Variants in SOS2 observed in about 807,000 individuals in gnomAD.
SOS2 encodes the protein SOS Ras/Rho guanine nucleotide exchange factor 2, also known as son of sevenless homolog 2.
A neutral mutation model predicts 148.2 loss-of-function variants in SOS2; 65 were observed. That is an observed-to-expected ratio of 0.44 (90% confidence interval 0.36 to 0.54). The LOEUF (loss-of-function observed/expected upper bound fraction) is 0.54, where lower values mean the gene tolerates loss of function less well. SOS2 is among the 20% of genes least tolerant of loss of function. The probability of loss-of-function intolerance (pLI) is 0.00; values close to 1 mark genes in which losing one functional copy is unlikely to be tolerated. For missense variants in SOS2, 1,341 were observed against 1,590.2 expected, an observed-to-expected ratio of 0.84 and a Z score of 2.67; for synonymous variants, 539 against 537.1, an observed-to-expected ratio of 1.00 and a Z score of -0.05.
chr14:50,153,731 G>A (rs1566829006), intron 12 of SOS2, among the ~76,000 whole-genome samples: 2 of 152,112 alleles, frequency 1.3e-5, no homozygotes, highest in Admixed American at 6.6e-5. Flanking sequence ...TCCTACTTCA[G>A]CCTCCCAAGT....
rs183821679 is a variant in SOS2 at position 50,132,748 on chromosome 14, G to A, written c.3075+1375C>T. Among the ~76,000 whole-genome samples, 24 of 152,146 alleles carry A rather than the reference G, an allele frequency of 1.6e-4. No homozygotes were observed. In the East Asian group the frequency reaches 4.6e-3, roughly 29 times the overall value. ...CATTTTTCTTGTTGAGTTTGTAGAG[G>A]GTCAAAGAACAATAACATCTGCTTA... On this transcript the variant is annotated intron_variant, in intron 19 of 22. Transcript: ENST00000216373.
intron 1 of SOS2, among the ~76,000 whole-genome samples, chr14:50,227,242 TC>T (rs1332330481): frequency 8.3e-4 from 80 of 96,626 alleles, no homozygotes; most frequent in Middle Eastern, 5.1e-3. Flanking sequence ...TTTCTTTCTT[TC>T]TTTCTTTTTT....
chr14:50,183,764 T>C (rs1185176916), intron 5 of SOS2, among the ~76,000 whole-genome samples: 2 of 152,200 alleles, frequency 1.3e-5, no homozygotes, highest in African/African-American at 2.4e-5. Context: ...CTAATCCTGT[T>C]ACAATCTGGT....
chr14:50,199,589 C>G lies in SOS2; in HGVS notation c.510+102G>C, dbSNP rs1886418152. ...GGATTTTTCTCTCTTCCAGTACTAG[C>G]AATTATAAAGATTACTTATCTAATA... is the stretch of plus-strand genomic sequence containing the variant. On this transcript the variant is annotated intron_variant, in intron 4 of 22. Transcript: ENST00000216373. 27 of 636,234 alleles carry G rather than the reference C, an allele frequency of 4.2e-5. No individual in the cohort carries two copies. In the South Asian group the frequency reaches 8.1e-4, roughly 19 times the overall value. The allele number at this position is 636,234 out of a possible 1,614,324, so 39.4% of individuals were successfully genotyped here.
At position 50,180,702 on chromosome 14, in the gene SOS2, A is replaced by C; in HGVS notation, c.859-20T>G. On this transcript the variant is annotated intron_variant, in intron 6 of 22. Transcript: ENST00000216373. ...TTGCTCCTATTTTTTTAAAAAGAGA[A>C]AAAGCATTAGGTTTAAAAGAATATA... 7.6e-7 allele frequency: 1 copy of C among 1,323,106 alleles called. No individual in the cohort carries two copies. Among genetic ancestry groups the C allele is most frequent in the Admixed American group, 1.9e-5 (1 of 52,736 alleles). 82.0% of individuals were successfully genotyped at this position (1,323,106 alleles called of 1,614,324 possible). A position where few individuals can be genotyped will look rare whatever the true frequency, so the allele number is the denominator to read the frequency against.
intron 8 of SOS2, among the ~76,000 whole-genome samples, chr14:50,170,725 A>G (rs1288065556): frequency 6.6e-6 from 1 of 152,048 alleles, no homozygotes; most frequent in Non-Finnish European, 1.5e-5. Context: ...AGTATATAAA[A>G]GATACTCAAC....
chr14:50,231,096 G>T, intron 1 of SOS2, 101 bp downstream of exon 1: 1 of 680,040 alleles, frequency 1.5e-6, no homozygotes, highest in South Asian at 6.7e-5. Context: ...GAAACGGCTC[G>T]GCCCCGGGGA....
chr14:50,179,517 C>A (rs1313437987), intron 7 of SOS2, among the ~76,000 whole-genome samples: 1 of 151,978 alleles, frequency 6.6e-6, no homozygotes, highest in East Asian at 1.9e-4. Context: ...AGGTGCACGC[C>A]ACCACACTCG....
chr14:50,212,096 A>T (rs1012867066), intron 1 of SOS2, among the ~76,000 whole-genome samples: 1 of 152,226 alleles, frequency 6.6e-6, no homozygotes. Flanking sequence ...AGACAAAATT[A>T]AATACAAAAA....
At chr14:50,213,455 T>TG (rs994639311) in intron 1 of SOS2, among the ~76,000 whole-genome samples, 2 of 152,210 alleles carry the variant, frequency 1.3e-5, no homozygotes, top group African/African-American at 4.8e-5. Context: ...CTCAGCACTT[T>TG]GGGAGGCCAA....
At chr14:50,222,452 G>A (rs1319837501) in intron 1 of SOS2, among the ~76,000 whole-genome samples, 2 of 152,176 alleles carry the variant, frequency 1.3e-5, no homozygotes, top group East Asian at 3.8e-4. Context: ...GGAGATACAG[G>A]TTTATGGGAA....
At chr14:50,208,667 CA>C (rs1453348893) in intron 1 of SOS2, among the ~76,000 whole-genome samples, 2 of 151,856 alleles carry the variant, frequency 1.3e-5, no homozygotes, top group South Asian at 4.2e-4. Flanking sequence ...CAAAACAAAA[CA>C]AAAAAAGCTA....
intron 1 of SOS2, among the ~76,000 whole-genome samples, chr14:50,209,995 T>C (rs1320922355): frequency 6.6e-6 from 1 of 152,182 alleles, no homozygotes; most frequent in Non-Finnish European, 1.5e-5. Context: ...AAGCAGGTTG[T>C]TTTGCTAAAA....
At chr14:50,220,405 CAAAA>C (rs367829144) in intron 1 of SOS2, among the ~76,000 whole-genome samples, 5 of 30,444 alleles carry the variant, frequency 1.6e-4, no homozygotes, top group Non-Finnish European at 2.2e-4. Context: ...GACTCCATCT[CAAAA>C]AAAAAAAAAA....
chr14:50,179,257 C>T (rs2139696952), intron 7 of SOS2, among the ~76,000 whole-genome samples: 1 of 152,118 alleles, frequency 6.6e-6, no homozygotes, highest in South Asian at 2.1e-4. Context: ...AATGAAAAAA[C>T]TTTCTTCACT....
intron 4 of SOS2, among the ~76,000 whole-genome samples, chr14:50,196,895 T>C (rs1886328119): frequency 6.6e-6 from 1 of 152,200 alleles, no homozygotes; most frequent in South Asian, 2.1e-4. Flanking sequence ...TGAGACAGTG[T>C]CTCACTCTGT....
chr14:50,131,855 CT>C (rs1883885228), intron 19 of SOS2, among the ~76,000 whole-genome samples: 1 of 152,132 alleles, frequency 6.6e-6, no homozygotes, highest in Non-Finnish European at 1.5e-5. Context: ...ACATCAATTT[CT>C]GAGGAAAAAA....
chr14:50,174,717 T>G (rs1168410028), intron 7 of SOS2, among the ~76,000 whole-genome samples, 165 bp from the exon 8 acceptor site: 1 of 152,224 alleles, frequency 6.6e-6, no homozygotes, highest in Non-Finnish European at 1.5e-5. Context: ...AGTTGTTCTT[T>G]TCTCCCTTTC....
At chr14:50,121,285 A>G (rs1883498163) in intron 21 of SOS2, among the ~76,000 whole-genome samples, 2 of 152,202 alleles carry the variant, frequency 1.3e-5, no homozygotes, top group Admixed American at 6.5e-5. Flanking sequence ...AATTTTTTCT[A>G]TAGTTCAACT....
Sources: allele counts gnomAD v4.1 joint callset (sites outside exome capture counted in the v4.1 genomes callset), GRCh38; gene constraint gnomAD v4.1.1; transcripts MANE v1.5; gene names NCBI Gene and HGNC (gene_info 2026-07-23, HGNC 2026-07-21).